Variants in EDIL3 observed in about 807,000 individuals in gnomAD.
The protein encoded by EDIL3 is EGF-like repeat and discoidin I-like domain-containing protein 3.
A neutral mutation model predicts 67.4 loss-of-function variants in EDIL3; 37 were observed. The ratio of observed to expected loss-of-function variants is 0.55; its 90% CI spans 0.42 to 0.72. The LOEUF is 0.72. EDIL3 is among the 30% of genes least tolerant of loss of function. EDIL3 has a pLI of 0.00. For synonymous variants in EDIL3, 195 were observed against 196.3 expected (o/e 0.99, Z 0.05); for missense variants, 527 against 586.3 (o/e 0.90, Z 1.04).
intron 1 of EDIL3, among the ~76,000 whole-genome samples, chr5:84,379,043 A>G (rs550124429): frequency 3.6e-4 from 55 of 152,230 alleles, no homozygotes; most frequent in African/African-American, 1.3e-3. Flanking sequence ...AGAGGAGGAG[A>G]AAGAGACGGA....
chr5:84,000,155 T>C (rs1055028453), intron 9 of EDIL3, among the ~76,000 whole-genome samples: 2 of 152,116 alleles, frequency 1.3e-5, no homozygotes, highest in Non-Finnish European at 2.9e-5. Flanking sequence ...TTAAAAGTAG[T>C]TCTTCAACCA....
intron 2 of EDIL3, among the ~76,000 whole-genome samples, chr5:84,248,470 C>T (rs1238811556): frequency 4.6e-5 from 7 of 152,156 alleles, no homozygotes; most frequent in Non-Finnish European, 8.8e-5. Context: ...CTTTGTATTT[C>T]TAATTCCTCT....
chr5:84,023,584 A>G (rs906931680), intron 9 of EDIL3, among the ~76,000 whole-genome samples: 1 of 152,048 alleles, frequency 6.6e-6, no homozygotes, highest in Non-Finnish European at 1.5e-5. Context: ...CAAAAGTTTA[A>G]GTATAGGCTA....
intron 5 of EDIL3, among the ~76,000 whole-genome samples, chr5:84,107,117 C>T (rs751249664): frequency 2.1e-4 from 32 of 152,010 alleles, no homozygotes; most frequent in African/African-American, 7.0e-4. Flanking sequence ...TTGTTGATCA[C>T]GTCAACAAAA....
At chr5:84,186,623 A>G (rs1178946617) in intron 3 of EDIL3, among the ~76,000 whole-genome samples, 3 of 152,060 alleles carry the variant, frequency 2.0e-5, no homozygotes, top group African/African-American at 7.2e-5. Flanking sequence ...GTGGCAACAT[A>G]TTAAAACATG....
At chr5:84,188,285 C>G (rs1430325487) in intron 3 of EDIL3, among the ~76,000 whole-genome samples, 2 of 151,878 alleles carry the variant, frequency 1.3e-5, no homozygotes, top group African/African-American at 2.4e-5. Context: ...CTTCAGAGTT[C>G]TAGAAGCTAG....
At chr5:84,271,710 A>C (rs1417979090) in intron 1 of EDIL3, among the ~76,000 whole-genome samples, 1 of 152,164 alleles carries the variant, frequency 6.6e-6, no homozygotes, top group Non-Finnish European at 1.5e-5. Context: ...TTTTTCAAGT[A>C]ATTACTTAAT....
At chr5:84,033,312 G>C (rs1013037996) in intron 9 of EDIL3, among the ~76,000 whole-genome samples, 1 of 152,126 alleles carries the variant, frequency 6.6e-6, no homozygotes. Context: ...GACCACTGAG[G>C]ATTAGTAATT....
intron 2 of EDIL3, among the ~76,000 whole-genome samples, chr5:84,243,407 G>A (rs916538992): frequency 2.0e-5 from 3 of 152,214 alleles, no homozygotes; most frequent in Non-Finnish European, 2.9e-5. Context: ...ATTGCCTGAA[G>A]AGCCAAAGTC....
chr5:83,978,549 T>C (rs1255143893), intron 9 of EDIL3, among the ~76,000 whole-genome samples: 2 of 152,080 alleles, frequency 1.3e-5, no homozygotes, highest in Middle Eastern at 3.4e-3. Context: ...ATTTGCTGCA[T>C]GGCTAGTGGT....
chr5:84,327,768 C>T (rs1164535222), intron 1 of EDIL3, among the ~76,000 whole-genome samples: 1 of 151,906 alleles, frequency 6.6e-6, no homozygotes, highest in Non-Finnish European at 1.5e-5. Context: ...GAATGAGCGC[C>T]CCAATGCCAT....
intron 3 of EDIL3, among the ~76,000 whole-genome samples, chr5:84,195,045 T>C (rs1229049776): frequency 1.3e-5 from 2 of 151,936 alleles, no homozygotes; most frequent in Admixed American, 6.6e-5. Context: ...TGTGATTTAA[T>C]ATTTACAGTG....
At chr5:83,959,532 A>T (rs1227506626) in intron 10 of EDIL3, among the ~76,000 whole-genome samples, 2 of 151,092 alleles carry the variant, frequency 1.3e-5, no homozygotes, top group African/African-American at 4.8e-5. Flanking sequence ...TCTATAAAAC[A>T]TCTCACAGAC....
chr5:84,079,868 T>A (rs1746930839), intron 6 of EDIL3, among the ~76,000 whole-genome samples: 1 of 152,058 alleles, frequency 6.6e-6, no homozygotes, highest in South Asian at 2.1e-4. Flanking sequence ...TTCTTTCACA[T>A]TATCTTATTA....
At chr5:84,102,218 T>C (rs1747380125) in intron 6 of EDIL3, among the ~76,000 whole-genome samples, 1 of 152,078 alleles carries the variant, frequency 6.6e-6, no homozygotes. Flanking sequence ...TCATACTAAA[T>C]GAGCAAAAGA....
intron 3 of EDIL3, among the ~76,000 whole-genome samples, chr5:84,211,729 G>C (rs143079278): frequency 6.6e-6 from 1 of 152,230 alleles, no homozygotes; most frequent in Non-Finnish European, 1.5e-5. Flanking sequence ...CTCAGAGAGA[G>C]CATGGCCTGG....
chr5:84,368,685 A>T (rs963050497), intron 1 of EDIL3, among the ~76,000 whole-genome samples: 1 of 152,008 alleles, frequency 6.6e-6, no homozygotes, highest in African/African-American at 2.4e-5. Context: ...CAGAATAAAA[A>T]GGCAACCCAC....
rs78684285 is a variant in EDIL3 at position 84,166,383 on chromosome 5, T to G, written c.355+14010A>C. Among the ~76,000 whole-genome samples, 462 of 152,292 alleles carry G rather than the reference T, an allele frequency of 3.0e-3. 6 individuals carry two copies. The highest frequency in any genetic ancestry group is 0.026 in the East Asian group (137 of 5,184). On this transcript the variant is annotated intron_variant, in intron 4 of 10. Coordinates refer to ENST00000296591, the MANE Select transcript of EDIL3 (RefSeq NM_005711.5). ...TGTTGTTCTCCCTTGTTTTGTTTGT[T>G]TGTTTGTCTTTTTCAAAGCCCAATA...
At chr5:84,281,855 C>CTTTTT (rs10708663) in intron 1 of EDIL3, among the ~76,000 whole-genome samples, 52 of 72,570 alleles carry the variant, frequency 7.2e-4, no homozygotes, top group African/African-American at 1.1e-3. Context: ...TTTTATTTCA[C>CTTTTT]TTTTTTTTTT....
Sources: allele counts gnomAD v4.1 joint callset (sites outside exome capture counted in the v4.1 genomes callset), GRCh38; gene constraint gnomAD v4.1.1; transcripts MANE v1.5; gene names NCBI Gene and HGNC (gene_info 2026-07-23, HGNC 2026-07-21).